Variants in KMT5B observed in about 807,000 individuals in gnomAD.
KMT5B encodes lysine methyltransferase 5B, also known as histone-lysine N-methyltransferase KMT5B.
A neutral mutation model predicts 83.2 loss-of-function variants in KMT5B; 10 were observed. The observed-to-expected ratio is 0.12, with a 90% CI of 0.07 to 0.20. The LOEUF is 0.20. Ranked by LOEUF, KMT5B falls within the 10% of genes least tolerant of loss-of-function variation. The pLI is 1.00. For missense variants in KMT5B, 753 were observed against 1,067.2 expected (o/e 0.71, Z 4.10); for synonymous variants, 349 against 388.8 (o/e 0.90, Z 1.20).
chr11:68,165,746 T>C, intron 10 of KMT5B: 1 of 1,444,654 alleles, frequency 6.9e-7, no homozygotes, highest in Non-Finnish European at 9.1e-7. Context: ...ATTATGAGAA[T>C]CAACAGTCAA....
intron 2 of KMT5B, among the ~76,000 whole-genome samples, chr11:68,189,360 GAGGAAATAA>G (rs1376990610): frequency 1.2e-4 from 19 of 152,312 alleles, no homozygotes; most frequent in Admixed American, 5.2e-4. Flanking sequence ...AAGAGGTATA[GAGGAAATAA>G]AGTAACTTAT....
intron 9 of KMT5B, among the ~76,000 whole-genome samples, chr11:68,169,026 C>T (rs950346597): frequency 1.3e-4 from 20 of 152,216 alleles, no homozygotes; most frequent in Admixed American, 4.6e-4. Context: ...TTTATGAGAA[C>T]TTCAAGAATA....
chr11:68,195,340 T>G (rs1424711773), intron 1 of KMT5B, among the ~76,000 whole-genome samples: 1 of 152,212 alleles, frequency 6.6e-6, no homozygotes, highest in Non-Finnish European at 1.5e-5. Context: ...GAACCTTAAC[T>G]TCCATTATCC....
Position 68,158,305 on chromosome 11 carries a change from C to G in KMT5B, c.2041G>C (p.Asp681His). 1 of 1,614,176 alleles carries G rather than the reference C, an allele frequency of 6.2e-7. No homozygotes were observed. The highest frequency in any genetic ancestry group is 8.5e-7 in the Non-Finnish European group (1 of 1,180,046). The change falls in exon 11 of 11, where the codon GAT becomes CAT. Residue 681 changes from aspartate (D) to histidine (H), a missense_variant. Asp to His is a moderately conservative substitution (Grantham distance 81, BLOSUM62 -1). Coordinates refer to ENST00000304363, the MANE Select transcript of KMT5B (RefSeq NM_017635.5). ...SPVGCSVVTS[D>H]SFKTKDSFRT... ...AAGCTGTCTTTTGTTTTGAAGCTATCTGATGTCACAACTGAACAACCGACG... is the reference window on the plus strand; with the variant it reads ...AAGCTGTCTTTTGTTTTGAAGCTATGTGATGTCACAACTGAACAACCGACG...
At chr11:68,207,313 T>C (rs1451838698) in intron 1 of KMT5B, among the ~76,000 whole-genome samples, 2 of 152,178 alleles carry the variant, frequency 1.3e-5, no homozygotes, top group African/African-American at 2.4e-5. Context: ...CAGTTTAGTT[T>C]GTGGTGTACC....
At chr11:68,198,630 T>G (rs1859033242) in intron 1 of KMT5B, among the ~76,000 whole-genome samples, 1 of 152,212 alleles carries the variant, frequency 6.6e-6, no homozygotes, top group South Asian at 2.1e-4. Flanking sequence ...ACGGTTTGGC[T>G]GACACACTCT....
At chr11:68,210,593 T>C (rs771061913) in intron 1 of KMT5B, among the ~76,000 whole-genome samples, 3 of 152,126 alleles carry the variant, frequency 2.0e-5, no homozygotes, top group Non-Finnish European at 4.4e-5. Context: ...TTCCTAAAAT[T>C]ACACTTCTAT....
chr11:68,198,438 AAGACAAGAC>A lies in KMT5B; in HGVS notation c.-76-8295_-76-8287del, dbSNP rs1415475751. ...GAAGATGAAGGAAAGGAAAGGAAAA[AAGACAAGAC>A]AAGACAAGACAAGACAAGACAAGAC... On this transcript the variant is annotated intron_variant, in intron 1 of 10. Transcript: ENST00000304363. Among the ~76,000 whole-genome samples the A allele has an allele frequency of 9.0e-3, 8 of 888 alleles. No individual in the cohort carries two copies. In the East Asian group the frequency reaches 0.13, roughly 15 times the overall value. 0.6% of individuals were successfully genotyped at this position (888 alleles called of 152,430 possible). A position where few individuals can be genotyped will look rare whatever the true frequency, so the allele number is the denominator to read the frequency against.
chr11:68,174,393 G>A lies in KMT5B; in HGVS notation c.544-480C>T, dbSNP rs560315580. ...CATGAGCATTTCCTTTGAGTGTCAG[G>A]TCGGTGTTCAAAAAGTTTCAGATTT... On this transcript the variant is annotated intron_variant, in intron 5 of 10. Coordinates refer to ENST00000304363, the MANE Select transcript of KMT5B (RefSeq NM_017635.5). 8.9e-4 allele frequency among the ~76,000 whole-genome samples: 135 copies of A among 152,192 alleles called. 1 individual carries two copies. The highest frequency in any genetic ancestry group is 1.5e-3 in the Non-Finnish European group (99 of 68,004).
chr11:68,160,314 T>C (rs1389685008), intron 10 of KMT5B, among the ~76,000 whole-genome samples: 1 of 152,234 alleles, frequency 6.6e-6, no homozygotes, highest in Non-Finnish European at 1.5e-5. Flanking sequence ...ATTTTTCCTC[T>C]GTATTGACAT....
chr11:68,165,615 G>C (rs1855248744), intron 10 of KMT5B: 1 of 672,900 alleles, frequency 1.5e-6, no homozygotes, highest in African/African-American at 1.9e-5. Flanking sequence ...GGGGCTACAG[G>C]TGTGCCACCA....
chr11:68,159,479 C>G (rs77313375), intron 10 of KMT5B, among the ~76,000 whole-genome samples: 1 of 152,158 alleles, frequency 6.6e-6, no homozygotes, highest in African/African-American at 2.4e-5. Flanking sequence ...CCCAAACGAA[C>G]GCTTTCTTCT....
intron 1 of KMT5B, among the ~76,000 whole-genome samples, chr11:68,198,461 ACAAGACAAGACAAGACAAG>A (rs1345461756): frequency 3.6e-5 from 4 of 112,200 alleles, no homozygotes; most frequent in African/African-American, 8.6e-5. Flanking sequence ...ACAAGACAAG[ACAAGACAAGACAAGACAAG>A]ACAAGACAAG....
chr11:68,184,805 T>G (rs1463713070), intron 3 of KMT5B, among the ~76,000 whole-genome samples: 1 of 152,182 alleles, frequency 6.6e-6, no homozygotes, highest in African/African-American at 2.4e-5. Flanking sequence ...GCAGATACAT[T>G]TGTGAAATGA....
At chr11:68,182,918 G>A (rs953050713) in intron 3 of KMT5B, among the ~76,000 whole-genome samples, 1 of 151,496 alleles carries the variant, frequency 6.6e-6, no homozygotes, top group African/African-American at 2.4e-5. Context: ...TGTATTTTTA[G>A]TAGAGACGGG....
chr11:68,184,420 AC>A (rs1857238226), intron 3 of KMT5B, among the ~76,000 whole-genome samples: 1 of 152,214 alleles, frequency 6.6e-6, no homozygotes, highest in African/African-American at 2.4e-5. Flanking sequence ...GCATATTTTT[AC>A]CTGAATTACT....
chr11:68,185,771 T>A lies in KMT5B; in HGVS notation c.308+10A>T. ...CATCTGTTCCATTCAGGATAAAGACTGAAAATTACCTAGTATTCATTTTGT... is the reference window on the plus strand; with the variant it reads ...CATCTGTTCCATTCAGGATAAAGACAGAAAATTACCTAGTATTCATTTTGT... On this transcript the variant is annotated intron_variant, in intron 3 of 10. Coordinates refer to ENST00000304363, the MANE Select transcript of KMT5B (RefSeq NM_017635.5). 1 of 1,610,892 alleles carries A rather than the reference T, an allele frequency of 6.2e-7. No individual in the cohort carries two copies. The highest frequency in any genetic ancestry group is 1.1e-5 in the South Asian group (1 of 90,620).
chr11:68,190,204 G>C (rs1250777522), intron 1 of KMT5B, 52 bp from the exon 2 acceptor site: 1 of 778,990 alleles, frequency 1.3e-6, no homozygotes, highest in African/African-American at 1.7e-5. Flanking sequence ...ATAAATACAT[G>C]AAAGATCATG....
At position 68,155,601 on chromosome 11, in the gene KMT5B, A is replaced by T. The variant is rs1400731214; in HGVS notation, c.*2087T>A. On this transcript the variant is annotated 3_prime_UTR_variant, in exon 11 of 11. Coordinates refer to ENST00000304363, the MANE Select transcript of KMT5B (RefSeq NM_017635.5). ...TCAAAACACCCCAAACTAAGGTGGG[A>T]ATACAAGAGGTGACCCGCTGCCCTC... The T allele has an allele frequency of 6.6e-6, 1 of 152,198 alleles. No individual in the cohort carries two copies. The highest frequency in any genetic ancestry group is 2.4e-5 in the African/African-American group (1 of 41,442). 9.4% of individuals were successfully genotyped at this position (152,198 alleles called of 1,614,324 possible).
Sources: gnomAD v4.1 joint callset for allele counts (sites outside exome capture counted in the v4.1 genomes callset) on GRCh38, gnomAD v4.1.1 for gene constraint, MANE v1.5 for transcripts, NCBI Gene and HGNC (gene_info 2026-07-23, HGNC 2026-07-21) for gene names.